Variants in TPO observed in about 807,000 individuals in gnomAD.
TPO encodes the protein thyroid peroxidase.
TPO carries 78 observed loss-of-function variants against 96.9 expected under a neutral mutation model. The ratio of observed to expected loss-of-function variants is 0.81; its 90% CI spans 0.67 to 0.97. TPO has a LOEUF of 0.97. Among genes scored for constraint, TPO ranks in the 50% least tolerant of loss-of-function variants. The pLI, the probability that TPO is intolerant of heterozygous loss-of-function variation, is 0.00. For missense variants in TPO, 1,252 were observed against 1,274.8 expected, an observed-to-expected ratio of 0.98 and a Z score of 0.27; for synonymous variants, 547 against 538.0, an observed-to-expected ratio of 1.02 and a Z score of -0.23.
chr2:1,440,756 G>A (rs62105620), intron 5 of TPO, among the ~76,000 whole-genome samples: 10,102 of 105,614 alleles, frequency 0.096, 1 homozygote, highest in South Asian at 0.18. Flanking sequence ...AGTCAGTGCC[G>A]CAGGACGTAC....
chr2:1,419,256 T>G (rs1374467922), intron 2 of TPO, among the ~76,000 whole-genome samples: 2 of 152,070 alleles, frequency 1.3e-5, no homozygotes, highest in Non-Finnish European at 1.5e-5. Flanking sequence ...AACTCAGTGT[T>G]CAGTTCTGAA....
chr2:1,451,898 T>C (rs1429332741), intron 5 of TPO, among the ~76,000 whole-genome samples: 8 of 152,216 alleles, frequency 5.3e-5, no homozygotes, highest in African/African-American at 1.9e-4. Flanking sequence ...GCCATTTTCT[T>C]CCAAATGTAG....
chr2:1,417,087 G>A (rs980502487), intron 2 of TPO, among the ~76,000 whole-genome samples: 1 of 152,254 alleles, frequency 6.6e-6, no homozygotes. Context: ...ACAGTCTCAC[G>A]TCCCAGGTCT....
chr2:1,445,870 C>A lies in TPO; in HGVS notation c.483-7824C>A, dbSNP rs556503785. Among the ~76,000 whole-genome samples, 45 of 149,404 alleles carry A rather than the reference C, an allele frequency of 3.0e-4. 2 individuals are homozygous for A. The highest frequency in any genetic ancestry group is 7.9e-4 in the African/African-American group (32 of 40,486). On this transcript the variant is annotated intron_variant, in intron 5 of 16. Transcript: ENST00000329066. ...TGTTTGTATGATCCAGTCACTGCTG[C>A]AGGAGGCACCGTGTTGGAAGGGAAT...
At chr2:1,518,929 G>A (rs928239650) in intron 15 of TPO, among the ~76,000 whole-genome samples, 1 of 152,244 alleles carries the variant, frequency 6.6e-6, no homozygotes, top group Non-Finnish European at 1.5e-5. Flanking sequence ...TAGTTAAAAT[G>A]AGACTGTCCT....
chr2:1,478,634 G>A (rs963088831), intron 8 of TPO, among the ~76,000 whole-genome samples: 1 of 152,258 alleles, frequency 6.6e-6, no homozygotes, highest in Non-Finnish European at 1.5e-5. Context: ...GGAGCTTCCT[G>A]GAACAGGGGC....
At chr2:1,404,898 G>A (rs868091332) in intron 1 of TPO, among the ~76,000 whole-genome samples, 4 of 152,162 alleles carry the variant, frequency 2.6e-5, no homozygotes, top group Middle Eastern at 3.4e-3. Context: ...ATTTTATAGC[G>A]CTGGTTATTA....
chr2:1,386,449 C>G (rs1346798331), intron 1 of TPO, among the ~76,000 whole-genome samples: 1 of 152,110 alleles, frequency 6.6e-6, no homozygotes, highest in African/African-American at 2.4e-5. Context: ...TGAATTGATC[C>G]CTTTACCATT....
intron 4 of TPO, among the ~76,000 whole-genome samples, chr2:1,433,927 A>C (rs1246026032): frequency 6.6e-6 from 1 of 152,170 alleles, no homozygotes; most frequent in African/African-American, 2.4e-5. Flanking sequence ...CTCTTAGTTA[A>C]AACTTGGCAA....
intron 15 of TPO, among the ~76,000 whole-genome samples, chr2:1,532,294 T>C: frequency 2.2e-5 from 1 of 46,322 alleles, no homozygotes; most frequent in Non-Finnish European, 4.0e-5. Context: ...CCCCACTGTG[T>C]GCAACCCCCA....
chr2:1,499,292 A>G (rs1672647704), intron 13 of TPO, among the ~76,000 whole-genome samples: 1 of 152,064 alleles, frequency 6.6e-6, no homozygotes. Flanking sequence ...TCTGTCTCCT[A>G]AGTGAGGAAT....
chr2:1,514,442 G>C (rs1487376067), intron 14 of TPO, among the ~76,000 whole-genome samples: 1 of 152,208 alleles, frequency 6.6e-6, no homozygotes, highest in African/African-American at 2.4e-5. Context: ...CAAAATCCCA[G>C]TGCCCTCTGT....
intron 1 of TPO, among the ~76,000 whole-genome samples, chr2:1,404,440 C>T (rs1208885665): frequency 1.3e-5 from 2 of 152,152 alleles, no homozygotes; most frequent in East Asian, 3.9e-4. Context: ...AGGGCTGACC[C>T]CCAGCATTTC....
In TPO at chr2:1,529,102, A is replaced by AAATCCCCCAACTGTGTGCAACCTCCCCG. The variant is rs1394817944; in HGVS notation, c.2619-11484_2619-11483insAACTGTGTGCAACCTCCCCGAATCCCCC. 5.0e-4 allele frequency among the ~76,000 whole-genome samples: 46 copies of AAATCCCCCAACTGTGTGCAACCTCCCCG among 91,832 alleles called. 3 individuals carry two copies. The highest frequency in any genetic ancestry group is 2.1e-3 in the African/African-American group (43 of 20,086). 60.2% of individuals were successfully genotyped at this position (91,832 alleles called of 152,430 possible). ...CCCCCCAACTGTGTTTAACCTCTCC[A>AAATCCCCCAACTGTGTGCAACCTCCCCG]AATCCCCCCACTGTGTGCAACCTCC... is the stretch of plus-strand genomic sequence containing the variant. On this transcript the variant is annotated intron_variant, in intron 15 of 16. Coordinates refer to ENST00000329066, the MANE Select transcript of TPO (RefSeq NM_001206744.2).
At chr2:1,412,367 C>T (rs933312688), upstream of TPO, among the ~76,000 whole-genome samples, 5 of 152,206 alleles carry the variant, frequency 3.3e-5, no homozygotes, top group African/African-American at 1.2e-4. Context: ...CGAGTCTGGT[C>T]CTTCCTCTCT....
upstream of TPO, among the ~76,000 whole-genome samples, chr2:1,412,040 C>T (rs1200961730): frequency 1.3e-5 from 2 of 152,320 alleles, no homozygotes; most frequent in Non-Finnish European, 2.9e-5. Context: ...TACTGTATCC[C>T]CCCTCAGGAC....
intron 14 of TPO, chr2:1,512,387 C>G (rs1008826289): frequency 7.1e-6 from 7 of 985,360 alleles, no homozygotes; most frequent in African/African-American, 1.7e-5. Flanking sequence ...ATCTGCCTCT[C>G]CAGATCCTGC....
intron 2 of TPO, among the ~76,000 whole-genome samples, chr2:1,415,561 T>C (rs1328985683): frequency 5.8e-5 from 7 of 120,156 alleles, no homozygotes; most frequent in African/African-American, 9.5e-5. Context: ...GGTCCCTGGG[T>C]CTCTGGACAC....
intron 5 of TPO, among the ~76,000 whole-genome samples, chr2:1,445,546 T>C (rs10197546): frequency 8.6e-6 from 1 of 116,172 alleles, no homozygotes; most frequent in African/African-American, 3.5e-5. Context: ...CTGCAGGAGG[T>C]ACCATGTTGG....
Sources: gnomAD v4.1 joint callset for allele counts (sites outside exome capture counted in the v4.1 genomes callset) on GRCh38, gnomAD v4.1.1 for gene constraint, MANE v1.5 for transcripts, NCBI Gene and HGNC (gene_info 2026-07-23, HGNC 2026-07-21) for gene names.